TNRC6C: variants seen among roughly 807,000 people sequenced by gnomAD.
TNRC6C encodes the protein trinucleotide repeat-containing gene 6C protein.
TNRC6C carries 20 observed loss-of-function variants against 153.7 expected under a neutral mutation model. That is an observed-to-expected ratio of 0.13 (90% CI 0.09 to 0.19). The LOEUF (loss-of-function observed/expected upper bound fraction) is 0.19. Ranked by LOEUF, TNRC6C falls within the 10% of genes least tolerant of loss-of-function variation. The pLI is 1.00. For missense variants in TNRC6C, 1,987 were observed against 2,172.0 expected, an observed-to-expected ratio of 0.91 and a Z score of 1.69; for synonymous variants, 811 against 841.4, an observed-to-expected ratio of 0.96 and a Z score of 0.63.
At chr17:77,961,331 T>A (rs1353397064) in intron 1 of TNRC6C, among the ~76,000 whole-genome samples, 1 of 152,154 alleles carries the variant, frequency 6.6e-6, no homozygotes, top group African/African-American at 2.4e-5. Flanking sequence ...AATTTTTGTA[T>A]TTTTAGTAGA....
rs187373042 is a variant in TNRC6C, at chr17:78,044,886, G to A, written c.-218-3959G>A. Among the ~76,000 whole-genome samples the A allele has an allele frequency of 5.3e-5, 8 of 152,264 alleles. No individual in the cohort carries two copies. In the East Asian group the frequency reaches 1.3e-3, roughly 26 times the overall value. On this transcript the variant is annotated intron_variant, in intron 2 of 19. Coordinates refer to ENST00000301624, the Ensembl canonical transcript of TNRC6C. ...AATGTATGAGGGAGTCCTAACTAGG[G>A]AACAAAAACGTCCCAAATTAAATGT...
At chr17:78,065,932 ATAT>A (rs2072867619) in intron 4 of TNRC6C, among the ~76,000 whole-genome samples, 1 of 152,164 alleles carries the variant, frequency 6.6e-6, no homozygotes, top group South Asian at 2.1e-4. Flanking sequence ...TTTAAATCTG[ATAT>A]TAAAATTAAT....
intron 1 of TNRC6C, among the ~76,000 whole-genome samples, chr17:77,989,994 G>T (rs916831338): frequency 6.6e-6 from 1 of 152,122 alleles, no homozygotes; most frequent in Non-Finnish European, 1.5e-5. Flanking sequence ...CCCTTCCCCA[G>T]TTTAATGTTT....
chr17:78,080,839 T>C (rs1368079984), intron 10 of TNRC6C, among the ~76,000 whole-genome samples: 2 of 152,190 alleles, frequency 1.3e-5, no homozygotes, highest in African/African-American at 4.8e-5. Context: ...ATCAAGAAGA[T>C]AGTTAAAATT....
chr17:78,082,045 A>T (rs1357831777), intron 10 of TNRC6C, among the ~76,000 whole-genome samples: 1 of 151,174 alleles, frequency 6.6e-6, no homozygotes, highest in Non-Finnish European at 1.5e-5. Flanking sequence ...ATGGCCTTTG[A>T]CATTTCACCC....
intron 8 of TNRC6C, among the ~76,000 whole-genome samples, chr17:78,076,733 G>T (rs565179444): frequency 2.9e-4 from 44 of 152,252 alleles, no homozygotes; most frequent in Middle Eastern, 6.8e-3. Context: ...TCTTTTATTA[G>T]TTCTATAACT....
At chr17:77,977,105 A>G (rs1207027865) in intron 1 of TNRC6C, among the ~76,000 whole-genome samples, 2 of 152,094 alleles carry the variant, frequency 1.3e-5, no homozygotes, top group Non-Finnish European at 2.9e-5. Flanking sequence ...TAGACTTTCT[A>G]ACTTTTATAA....
chr17:78,003,448 A>G (rs1342430602), upstream of TNRC6C, among the ~76,000 whole-genome samples: 1 of 152,220 alleles, frequency 6.6e-6, no homozygotes, highest in Non-Finnish European at 1.5e-5. Context: ...GAAAAGGAGC[A>G]TTCAAGAGCA....
rs979002118 is a variant in TNRC6C at position 78,104,702 on chromosome 17, A to C, written c.4930A>C (p.Ser1644Arg). 3 of 1,539,948 alleles carry C rather than the reference A, an allele frequency of 1.9e-6. No homozygotes were observed. In the African/African-American group the frequency reaches 4.1e-5, roughly 21 times the overall value. ...CCCGTGCCTGGGTGGCAAGGGGAGC[A>C]GTGAGCTGCTGTGGGGCGGGGTGCC... The change falls in exon 20 of 20, where the codon AGT (serine) becomes CGT (arginine). Residue 1644 changes from serine to arginine, a missense_variant. By Grantham distance (110) the Ser-to-Arg change is moderately radical. This residue lies in a region of TNRC6C where 139 missense variants were observed against 148.5 expected (regional missense o/e 0.94). Coordinates refer to ENST00000301624, the Ensembl canonical transcript of TNRC6C. The surrounding 1 kb of genome is among the most constrained non-coding windows in gnomAD (Gnocchi z 6.2).
chr17:77,965,598 G>A (rs957059449), intron 1 of TNRC6C, among the ~76,000 whole-genome samples: 2 of 152,096 alleles, frequency 1.3e-5, no homozygotes, highest in East Asian at 1.9e-4. Context: ...CCTGTGCAGC[G>A]GCCACAGGGG....
chr17:78,101,959 G>A (rs1231578712), intron 17 of TNRC6C, among the ~76,000 whole-genome samples: 3 of 152,140 alleles, frequency 2.0e-5, no homozygotes, highest in Admixed American at 2.0e-4. Context: ...CCAGATTTTG[G>A]GGTGGGGGTG....
intron 1 of TNRC6C, among the ~76,000 whole-genome samples, chr17:77,960,627 T>G (rs2070854230): frequency 6.6e-6 from 1 of 152,200 alleles, no homozygotes; most frequent in Non-Finnish European, 1.5e-5. Context: ...CCTTCAGTAC[T>G]GTATGAAAGA....
intron 1 of TNRC6C, among the ~76,000 whole-genome samples, chr17:78,030,600 G>A (rs138974421): frequency 6.8e-4 from 103 of 152,178 alleles, no homozygotes; most frequent in African/African-American, 2.4e-3. Flanking sequence ...TGACTCAAAC[G>A]TCATTATTTA....
At chr17:77,961,836 C>T (rs2070865363) in intron 1 of TNRC6C, among the ~76,000 whole-genome samples, 1 of 152,150 alleles carries the variant, frequency 6.6e-6, no homozygotes, top group African/African-American at 2.4e-5. Flanking sequence ...AAACTAAATA[C>T]AGTATTTTTC....
Position 78,005,507 on chromosome 17 carries a change from T to C in TNRC6C, c.-546+428T>C, listed in dbSNP as rs971446464. ...CTTTGCTTATTGATATGTAAAAGATTTCTCTTTTTATCCTCCAAGTCCAGA... is the reference window on the plus strand; with the variant it reads ...CTTTGCTTATTGATATGTAAAAGATCTCTCTTTTTATCCTCCAAGTCCAGA... On this transcript the variant is annotated intron_variant, in intron 1 of 19. Coordinates refer to ENST00000301624, the Ensembl canonical transcript of TNRC6C. Among the ~76,000 whole-genome samples the C allele has an allele frequency of 2.0e-5, 3 of 152,310 alleles. No homozygotes were observed. The East Asian group carries it at 5.8e-4, about 29-fold the overall frequency.
intron 7 of TNRC6C, among the ~76,000 whole-genome samples, chr17:78,074,607 T>C (rs781621596): frequency 1.6e-4 from 25 of 152,188 alleles, no homozygotes; most frequent in Non-Finnish European, 3.7e-4. Flanking sequence ...ACAGTGTCTG[T>C]TTTGCACAGT....
intron 1 of TNRC6C, among the ~76,000 whole-genome samples, chr17:78,020,312 G>A (rs1446406085): frequency 6.6e-6 from 1 of 152,130 alleles, no homozygotes; most frequent in African/African-American, 2.4e-5. Flanking sequence ...ATTATACTCC[G>A]GGACCCTTGG....
chr17:78,092,079 T>C (rs1266453282), intron 14 of TNRC6C, among the ~76,000 whole-genome samples: 1 of 152,232 alleles, frequency 6.6e-6, no homozygotes, highest in African/African-American at 2.4e-5. Flanking sequence ...GGGAACTCTT[T>C]ACTGATGGAC....
In TNRC6C at chr17:78,049,844, G is replaced by A. The variant is rs779353650; in HGVS notation, c.782G>A (p.Ser261Asn). Residue 261 changes from serine (S) to asparagine (N), a missense_variant, in exon 3 of 20, where the codon AGC (serine) becomes AAC (asparagine). Physicochemically the swap from Ser to Asn is conservative, Grantham distance 46 (BLOSUM62 1). Transcript: ENST00000301624. The surrounding 1 kb of genome is among the most constrained non-coding windows in gnomAD (Gnocchi z 4.1). ...CCAGGTAACCCTGCCACAGGAAATA[G>A]CAATTCTGGGTTCAGTCAGGGGAAT... 5.0e-6 allele frequency: 8 copies of A among 1,613,572 alleles called. No homozygotes were observed. Among genetic ancestry groups the A allele is most frequent in the Non-Finnish European group, 6.8e-6 (8 of 1,179,694 alleles).
Sources: allele counts gnomAD v4.1 joint callset (sites outside exome capture counted in the v4.1 genomes callset), GRCh38; gene constraint gnomAD v4.1.1; regional missense constraint gnomAD v4.1.1; non-coding constraint Gnocchi (gnomAD v3.1); transcripts MANE v1.5; gene names NCBI Gene and HGNC (gene_info 2026-07-23, HGNC 2026-07-21).